MRTFB: variants seen among roughly 807,000 people sequenced by gnomAD.
MRTFB encodes myocardin related transcription factor B.
In MRTFB, 29 loss-of-function variants were observed where a neutral mutation model predicts 104.2. The observed-to-expected ratio is 0.28, with a 90% CI of 0.21 to 0.38. The LOEUF (loss-of-function observed/expected upper bound fraction) is 0.38, where lower values mean the gene tolerates loss of function less well. Ranked by LOEUF, MRTFB falls within the 10% of genes least tolerant of loss-of-function variation. MRTFB has a pLI of 1.00. For missense variants in MRTFB, 1,270 were observed against 1,341.6 expected, an observed-to-expected ratio of 0.95 and a Z score of 0.83; for synonymous variants, 535 against 519.5, an observed-to-expected ratio of 1.03 and a Z score of -0.41.
intron 3 of MRTFB, among the ~76,000 whole-genome samples, chr16:14,185,942 G>C (rs1375699485): frequency 1.3e-5 from 2 of 152,196 alleles, no homozygotes; most frequent in Non-Finnish European, 2.9e-5. Flanking sequence ...GTGACTTGCA[G>C]GAGAGGTGCC....
In MRTFB at chr16:14,241,963, CCAATAA is replaced by C. The variant is rs1052962359; in HGVS notation, c.1079+1480_1079+1485del. 1.0e-4 allele frequency among the ~76,000 whole-genome samples: 11 copies of C among 110,532 alleles called. No individual in the cohort carries two copies. In the East Asian group the frequency reaches 1.9e-3, roughly 19 times the overall value. The allele number at this position is 110,532 out of a possible 152,430, so 72.5% of individuals were successfully genotyped here. On this transcript the variant is annotated intron_variant, in intron 10 of 16. Transcript: ENST00000571589. Reference sequence around the variant, plus strand: ...TGCCATCCTCCTTTGGCATTGGGCACCAATAATAATAATAATAATAATAATAATAAT... The same window carrying C: ...TGCCATCCTCCTTTGGCATTGGGCACTAATAATAATAATAATAATAATAAT...
chr16:14,134,420 A>G (rs568441588), intron 2 of MRTFB, among the ~76,000 whole-genome samples: 2 of 152,328 alleles, frequency 1.3e-5, no homozygotes, highest in South Asian at 2.1e-4. Flanking sequence ...TGTAGATTTC[A>G]TTTTCTTCCT....
chr16:14,233,804 AG>A (rs1392249793), intron 8 of MRTFB, among the ~76,000 whole-genome samples: 2 of 150,786 alleles, frequency 1.3e-5, no homozygotes, highest in African/African-American at 4.9e-5. Context: ...AAAAAAAAAA[AG>A]AATGCCATGT....
chr16:14,052,362 G>A, the MRTFB span, among the ~76,000 whole-genome samples: 2 of 152,016 alleles, frequency 1.3e-5, no homozygotes, highest in Non-Finnish European at 2.9e-5. Flanking sequence ...TGATCACATC[G>A]GGGTATTTAA....
chr16:14,042,140 T>A, the MRTFB span, among the ~76,000 whole-genome samples: 1 of 151,486 alleles, frequency 6.6e-6, no homozygotes, highest in Non-Finnish European at 1.5e-5. Context: ...TTTGTTTGTT[T>A]TTGAGATGGA....
the MRTFB span, chr16:14,016,008 C>T: frequency 5.0e-6 from 2 of 398,552 alleles, no homozygotes; most frequent in Non-Finnish European, 8.8e-6. Context: ...ACTTCTGCCT[C>T]TACCCTATCT....
the MRTFB span, among the ~76,000 whole-genome samples, chr16:14,061,804 C>A: frequency 2.6e-5 from 4 of 151,936 alleles, no homozygotes; most frequent in Admixed American, 6.6e-5. Flanking sequence ...GTAGGACTTG[C>A]CTGAGTAGGA....
chr16:14,182,128 C>G (rs117131579), intron 3 of MRTFB, among the ~76,000 whole-genome samples: 128 of 152,342 alleles, frequency 8.4e-4, no homozygotes, highest in Non-Finnish European at 1.5e-3. Context: ...GAAAGCAATT[C>G]AGGTGACAGT....
the MRTFB span, among the ~76,000 whole-genome samples, chr16:14,049,019 C>T: frequency 3.3e-5 from 5 of 152,296 alleles, no homozygotes; most frequent in East Asian, 9.6e-4. Context: ...TTGAGTTTGC[C>T]TCCCAGGGGA....
chr16:14,145,011 T>TATATATATAA (rs1567380377), intron 3 of MRTFB, among the ~76,000 whole-genome samples: 3 of 147,678 alleles, frequency 2.0e-5, no homozygotes, highest in African/African-American at 7.4e-5. Context: ...TATATATATA[T>TATATATATAA]AACTTTTGTC....
At chr16:14,065,120 A>T in the MRTFB span, among the ~76,000 whole-genome samples, 4,050 of 152,026 alleles carry the variant, frequency 0.027, 72 homozygotes, top group Middle Eastern at 0.085. Context: ...TGTTTGTGTC[A>T]TCTCTCTTTT....
chr16:14,061,117 G>A, the MRTFB span, among the ~76,000 whole-genome samples: 1 of 151,922 alleles, frequency 6.6e-6, no homozygotes, highest in African/African-American at 2.4e-5. Flanking sequence ...CTGCACTCCA[G>A]CCTGGGCGAC....
intron 2 of MRTFB, among the ~76,000 whole-genome samples, chr16:14,103,362 T>G (rs2035798618): frequency 6.6e-6 from 1 of 152,160 alleles, no homozygotes; most frequent in Non-Finnish European, 1.5e-5. Context: ...AATATACAAT[T>G]TATCCTAACA....
chr16:14,184,072 T>TAA (rs71757134), intron 3 of MRTFB, among the ~76,000 whole-genome samples: 103,260 of 121,738 alleles, frequency 0.85, 44,393 homozygotes, highest in Non-Finnish European at 0.92. Flanking sequence ...TCCTGAAATT[T>TAA]AAAAAAAAAA....
chr16:14,139,832 A>G (rs1040879987), intron 2 of MRTFB, among the ~76,000 whole-genome samples: 2 of 152,252 alleles, frequency 1.3e-5, no homozygotes, highest in Non-Finnish European at 2.9e-5. Flanking sequence ...TGCCACTGCC[A>G]TAACATGGAC....
In MRTFB at chr16:14,082,839, T is replaced by C. The variant is rs146940303; in HGVS notation, c.-64+3485T>C. Among the ~76,000 whole-genome samples, 1,485 of 152,256 alleles carry C rather than the reference T, an allele frequency of 9.8e-3. 23 individuals are homozygous for C. The highest frequency in any genetic ancestry group is 0.03 in the African/African-American group (1,254 of 41,568). Reference sequence around the variant, plus strand: ...TAAAATGACAAGATTGCTTTGGCTGTTCATATCCTTTGGTAGTTCCATACA... The same window carrying C: ...TAAAATGACAAGATTGCTTTGGCTGCTCATATCCTTTGGTAGTTCCATACA... On this transcript the variant is annotated intron_variant, in intron 2 of 16. Transcript: ENST00000571589.
chr16:14,123,085 T>A (rs775159348), intron 2 of MRTFB, among the ~76,000 whole-genome samples: 18 of 152,260 alleles, frequency 1.2e-4, no homozygotes, highest in Non-Finnish European at 1.9e-4. Context: ...TGCATAAATA[T>A]CTTCTTTTGA....
At chr16:14,050,417 G>T in the MRTFB span, among the ~76,000 whole-genome samples, 1 of 152,064 alleles carries the variant, frequency 6.6e-6, no homozygotes, top group Non-Finnish European at 1.5e-5. Flanking sequence ...GGGCTGGAGT[G>T]CAGTGGTGTG....
chr16:14,083,993 C>T (rs184537337), intron 2 of MRTFB, among the ~76,000 whole-genome samples: 13 of 152,284 alleles, frequency 8.5e-5, no homozygotes, highest in South Asian at 2.1e-4. Context: ...GATATTCTTA[C>T]TAACGTGAAG....
Sources: gnomAD v4.1 joint callset for allele counts (sites outside exome capture counted in the v4.1 genomes callset) on GRCh38, gnomAD v4.1.1 for gene constraint, MANE v1.5 for transcripts, NCBI Gene and HGNC (gene_info 2026-07-23, HGNC 2026-07-21) for gene names.